Variants in KSR2 observed in about 807,000 individuals in gnomAD.
The protein encoded by KSR2 is kinase suppressor of ras 2.
A neutral mutation model predicts 107.8 loss-of-function variants in KSR2; 25 were observed. That is an observed-to-expected ratio of 0.23 (90% confidence interval 0.17 to 0.32). KSR2 has a LOEUF of 0.32. Ranked by LOEUF, KSR2 falls within the 10% of genes least tolerant of loss-of-function variation. The pLI is 1.00. For synonymous variants in KSR2, 480 were observed against 507.0 expected (o/e 0.95, Z 0.71); for missense variants, 887 against 1,268.9 (o/e 0.70, Z 4.57).
At chr12:117,846,046 C>G (rs1192511543) in intron 3 of KSR2, among the ~76,000 whole-genome samples, 1 of 151,478 alleles carries the variant, frequency 6.6e-6, no homozygotes, top group Non-Finnish European at 1.5e-5. Flanking sequence ...TTCCTAACAG[C>G]CTGCCCTTCC....
At chr12:117,665,732 C>T (rs1294405356) in intron 5 of KSR2, among the ~76,000 whole-genome samples, 1 of 152,218 alleles carries the variant, frequency 6.6e-6, no homozygotes, top group East Asian at 1.9e-4. Context: ...CTCATCTAAT[C>T]CTCACAACTG....
chr12:117,965,809 C>T (rs1896769015), intron 1 of KSR2, among the ~76,000 whole-genome samples: 1 of 152,190 alleles, frequency 6.6e-6, no homozygotes, highest in Admixed American at 6.5e-5. Flanking sequence ...GGCTAAGAAT[C>T]TGCATTTTAA....
At chr12:117,603,812 C>T (rs577808237) in intron 5 of KSR2, among the ~76,000 whole-genome samples, 1 of 152,168 alleles carries the variant, frequency 6.6e-6, no homozygotes, top group South Asian at 2.1e-4. Context: ...AGACACGCCT[C>T]ATTAAAACTC....
At chr12:117,769,450 A>C (rs1016767062) in intron 3 of KSR2, among the ~76,000 whole-genome samples, 1 of 152,240 alleles carries the variant, frequency 6.6e-6, no homozygotes, top group Non-Finnish European at 1.5e-5. Flanking sequence ...TGAAAGAACA[A>C]GAGTTAATTC....
intron 1 of KSR2, among the ~76,000 whole-genome samples, chr12:117,868,601 A>G (rs1323721766): frequency 1.3e-5 from 2 of 152,172 alleles, no homozygotes; most frequent in Non-Finnish European, 2.9e-5. Flanking sequence ...AACTAGGCAC[A>G]GAGAAGTTAA....
At chr12:117,729,907 T>C in intron 4 of KSR2, among the ~76,000 whole-genome samples, 1 of 152,206 alleles carries the variant, frequency 6.6e-6, no homozygotes, top group East Asian at 1.9e-4. Flanking sequence ...AGAGGCAGCG[T>C]AGCACTGATG....
At chr12:117,623,497 T>C (rs1176311661) in intron 5 of KSR2, among the ~76,000 whole-genome samples, 1 of 152,210 alleles carries the variant, frequency 6.6e-6, no homozygotes, top group African/African-American at 2.4e-5. Context: ...TCTGTCCTTG[T>C]GACTAGTTTG....
At chr12:117,656,713 A>G (rs2136451363) in intron 5 of KSR2, among the ~76,000 whole-genome samples, 1 of 152,098 alleles carries the variant, frequency 6.6e-6, no homozygotes, top group East Asian at 1.9e-4. Context: ...AAGCAGGTAG[A>G]AAAACATGGA....
chr12:117,816,703 C>T (rs146943595), intron 3 of KSR2, among the ~76,000 whole-genome samples: 1 of 152,270 alleles, frequency 6.6e-6, no homozygotes, highest in Non-Finnish European at 1.5e-5. Flanking sequence ...CAGTGCACAG[C>T]ACAGAAACTG....
chr12:117,941,613 C>CTTTTTTTTTTTTTTTTT (rs139487553), intron 1 of KSR2, among the ~76,000 whole-genome samples: 1 of 52,928 alleles, frequency 1.9e-5, no homozygotes, highest in Non-Finnish European at 3.2e-5. Context: ...ACAGGCTTTC[C>CTTTTTTTTTTTTTTTTT]TTTTTTTTTT....
intron 1 of KSR2, among the ~76,000 whole-genome samples, chr12:117,947,223 A>AAGAAAGAAAGAAAGAAAGAAAG (rs1896220613): frequency 7.0e-5 from 8 of 114,126 alleles, no homozygotes; most frequent in African/African-American, 2.8e-4. Context: ...GAAAGAAAGA[A>AAGAAAGAAAGAAAGAAAGAAAG]AGAAAGAAAG....
At chr12:117,715,280 G>A (rs1886936698) in intron 4 of KSR2, among the ~76,000 whole-genome samples, 1 of 152,160 alleles carries the variant, frequency 6.6e-6, no homozygotes, top group Non-Finnish European at 1.5e-5. Context: ...GGGGATCCCT[G>A]CAGCAGGGTC....
At chr12:117,925,839 G>A (rs1341022212) in intron 1 of KSR2, among the ~76,000 whole-genome samples, 1 of 152,184 alleles carries the variant, frequency 6.6e-6, no homozygotes, top group Admixed American at 6.6e-5. Flanking sequence ...GGTTTAGCTA[G>A]TACGGGACAG....
chr12:117,593,551 G>A (rs550082810), intron 5 of KSR2, among the ~76,000 whole-genome samples: 4 of 152,352 alleles, frequency 2.6e-5, no homozygotes, highest in Admixed American at 2.0e-4. Context: ...GTTGGAATGT[G>A]CAAAATGGAA....
At chr12:117,793,857 G>C (rs1444151055) in intron 3 of KSR2, among the ~76,000 whole-genome samples, 2 of 89,878 alleles carry the variant, frequency 2.2e-5, no homozygotes, top group Non-Finnish European at 2.1e-5. Flanking sequence ...CATACCATGC[G>C]CATATACACC....
At chr12:117,579,492 TG>T (rs1655005797) in intron 6 of KSR2, among the ~76,000 whole-genome samples, 1 of 152,182 alleles carries the variant, frequency 6.6e-6, no homozygotes, top group Non-Finnish European at 1.5e-5. Context: ...CTCGATAAAT[TG>T]GGTTGTGACT....
chr12:117,592,807 A>G (rs1252246922), intron 5 of KSR2, among the ~76,000 whole-genome samples: 2 of 151,834 alleles, frequency 1.3e-5, no homozygotes, highest in Non-Finnish European at 1.5e-5. Flanking sequence ...TGGTAACACT[A>G]GGTCGGGTAG....
At chr12:117,470,823 C>T (rs1024787000) in intron 18 of KSR2, among the ~76,000 whole-genome samples, 6 of 152,046 alleles carry the variant, frequency 3.9e-5, no homozygotes, top group Non-Finnish European at 4.4e-5. Context: ...TTAGATAATG[C>T]CTTAAAATTA....
intron 4 of KSR2, among the ~76,000 whole-genome samples, chr12:117,722,362 A>T (rs1183396452): frequency 1.3e-5 from 2 of 152,164 alleles, no homozygotes; most frequent in Non-Finnish European, 2.9e-5. Context: ...ATGAGGCTGA[A>T]ACCTACTGGG....
Sources: gnomAD v4.1 joint callset for allele counts (sites outside exome capture counted in the v4.1 genomes callset) on GRCh38, gnomAD v4.1.1 for gene constraint, MANE v1.5 for transcripts, NCBI Gene and HGNC (gene_info 2026-07-23, HGNC 2026-07-21) for gene names.